The following NKAIN3 variants were observed in gnomAD, a reference collection of about 807,000 sequenced individuals.
The protein encoded by NKAIN3 is sodium/potassium-transporting ATPase subunit beta-1-interacting protein 3.
In NKAIN3, 25 loss-of-function variants were observed where a neutral mutation model predicts 30.2. The observed-to-expected ratio is 0.83, with a 90% CI of 0.60 to 1.16. The LOEUF (loss-of-function observed/expected upper bound fraction) is 1.16, where lower values mean the gene tolerates loss of function less well. NKAIN3 is among the 50% of genes most tolerant of loss of function. NKAIN3 has a pLI of 0.00. For missense variants in NKAIN3, 225 were observed against 254.1 expected (o/e 0.89, Z 0.78); for synonymous variants, 91 against 89.6 (o/e 1.02, Z -0.09).
intron 4 of NKAIN3, among the ~76,000 whole-genome samples, chr8:62,860,664 G>A (rs993699364): frequency 7.9e-5 from 12 of 152,116 alleles, no homozygotes; most frequent in African/African-American, 1.9e-4. Context: ...AGAGATAGTC[G>A]GTGGTACTTG....
intron 1 of NKAIN3, among the ~76,000 whole-genome samples, chr8:62,273,545 C>T (rs1812837975): frequency 6.6e-6 from 1 of 152,160 alleles, no homozygotes; most frequent in Non-Finnish European, 1.5e-5. Flanking sequence ...GCAGACAGTT[C>T]TTTCTGTTCT....
Position 62,812,130 on chromosome 8 carries a change from A to G in NKAIN3, c.471+65001A>G, listed in dbSNP as rs186723524. On this transcript the variant is annotated intron_variant, in intron 4 of 6. Transcript: ENST00000623646. ...ATTGAATTGCTTGTGCACCTTTGTC[A>G]ATAATCAATTGGGTATAGTTGTGTG... Among the ~76,000 whole-genome samples the G allele has an allele frequency of 5.9e-3, 894 of 152,064 alleles. 9 individuals are homozygous for G. Among genetic ancestry groups the G allele is most frequent in the African/African-American group, 0.02 (835 of 41,530 alleles).
At chr8:62,941,940 G>A (rs536532935) in intron 5 of NKAIN3, among the ~76,000 whole-genome samples, 93 of 151,968 alleles carry the variant, frequency 6.1e-4, no homozygotes, top group African/African-American at 2.1e-3. Flanking sequence ...AAGAAATAGA[G>A]GGCATCCAAA....
At position 62,470,047 on chromosome 8, in the gene NKAIN3, T is replaced by C. The variant is rs541037873; in HGVS notation, c.55-109492T>C. 5.9e-5 allele frequency among the ~76,000 whole-genome samples: 9 copies of C among 152,298 alleles called. No individual in the cohort carries two copies. In the East Asian group the frequency reaches 1.7e-3, roughly 29 times the overall value. The stretch of plus-strand genomic sequence containing the variant: ...TAATAGAGGTTTTACTAAATATATT[T>C]ATTAACATATTTCAAGCTACCATTA... On this transcript the variant is annotated intron_variant, in intron 1 of 6. Transcript: ENST00000623646.
chr8:62,305,941 C>T (rs1286553401), intron 1 of NKAIN3, among the ~76,000 whole-genome samples: 1 of 150,514 alleles, frequency 6.6e-6, no homozygotes, highest in East Asian at 1.9e-4. Flanking sequence ...TGTTGGCCAG[C>T]ATTCAGTGGG....
At chr8:62,760,693 G>T (rs948366021) in intron 4 of NKAIN3, among the ~76,000 whole-genome samples, 1 of 151,684 alleles carries the variant, frequency 6.6e-6, no homozygotes, top group Non-Finnish European at 1.5e-5. Context: ...GAGTTAATGG[G>T]TGCAGCACAC....
At chr8:62,792,230 T>C (rs1817719633) in intron 4 of NKAIN3, among the ~76,000 whole-genome samples, 1 of 152,096 alleles carries the variant, frequency 6.6e-6, no homozygotes, top group Non-Finnish European at 1.5e-5. Flanking sequence ...CCTGAATAGG[T>C]CTCCCTTCCT....
intron 3 of NKAIN3, among the ~76,000 whole-genome samples, chr8:62,668,641 C>A (rs915073632): frequency 6.6e-6 from 1 of 152,046 alleles, no homozygotes; most frequent in African/African-American, 2.4e-5. Flanking sequence ...AAATTAACAC[C>A]ACATCACCCT....
At chr8:62,643,046 T>C (rs772817741) in intron 3 of NKAIN3, among the ~76,000 whole-genome samples, 1 of 152,124 alleles carries the variant, frequency 6.6e-6, no homozygotes, top group African/African-American at 2.4e-5. Flanking sequence ...AAATGACCAA[T>C]GAATGTTAGT....
chr8:62,698,142 G>A (rs888550216), intron 3 of NKAIN3, among the ~76,000 whole-genome samples: 1 of 151,996 alleles, frequency 6.6e-6, no homozygotes, highest in South Asian at 2.1e-4. Flanking sequence ...AGATATAAGG[G>A]ACAAAGTAAA....
chr8:62,653,179 G>A (rs1251947168), intron 3 of NKAIN3, among the ~76,000 whole-genome samples: 1 of 152,176 alleles, frequency 6.6e-6, no homozygotes, highest in Non-Finnish European at 1.5e-5. Flanking sequence ...TTTCCCAAAG[G>A]TCTGGAGGCT....
At chr8:62,891,933 G>A (rs979969113) in intron 4 of NKAIN3, among the ~76,000 whole-genome samples, 2 of 152,092 alleles carry the variant, frequency 1.3e-5, no homozygotes, top group African/African-American at 2.4e-5. Context: ...TGTCAGGAAA[G>A]ACCCTGCTGA....
intron 6 of NKAIN3, among the ~76,000 whole-genome samples, chr8:62,962,393 T>A (rs1204610578): frequency 6.6e-6 from 1 of 152,180 alleles, no homozygotes; most frequent in African/African-American, 2.4e-5. Context: ...TATTTCCAGA[T>A]GATTGGAGCA....
chr8:62,378,333 C>G lies in NKAIN3; in HGVS notation c.54+129206C>G, dbSNP rs148264957. On this transcript the variant is annotated intron_variant, in intron 1 of 6. Transcript: ENST00000623646. ...AAAGTTTGAAAAATTTTCAGCCTGA[C>G]AATGCAGTAGAAAAGACAAACCCAT... Among the ~76,000 whole-genome samples the G allele has an allele frequency of 6.2e-3, 951 of 152,244 alleles. 15 individuals carry two copies. The highest frequency in any genetic ancestry group is 0.022 in the African/African-American group (910 of 41,524).
In NKAIN3 at chr8:62,345,648, C is replaced by CAT. The variant is rs1385407567; in HGVS notation, c.54+96522_54+96523insTA. ...ATATATACACATATATGTATATATA[C>CAT]ACATATATACATATGTATACCTGGA... On this transcript the variant is annotated intron_variant, in intron 1 of 6. Coordinates refer to ENST00000623646, the MANE Select transcript of NKAIN3 (RefSeq NM_001304533.3). 6.1e-5 allele frequency among the ~76,000 whole-genome samples: 9 copies of CAT among 147,038 alleles called. No individual in the cohort carries two copies. In the East Asian group the frequency reaches 1.8e-3, roughly 29 times the overall value.
At chr8:62,856,819 C>A in intron 4 of NKAIN3, 1 of 617,714 alleles carries the variant, frequency 1.6e-6, no homozygotes, top group Non-Finnish European at 3.0e-6. Context: ...TTTCTCTGCA[C>A]TATAGAGCAT....
intron 1 of NKAIN3, among the ~76,000 whole-genome samples, chr8:62,570,914 T>C (rs1325541129): frequency 1.3e-5 from 2 of 152,170 alleles, no homozygotes; most frequent in Admixed American, 1.3e-4. Flanking sequence ...AAGAAAGCAT[T>C]TGATCAAACG....
At chr8:62,633,402 C>T (rs1208436906) in intron 3 of NKAIN3, among the ~76,000 whole-genome samples, 1 of 152,070 alleles carries the variant, frequency 6.6e-6, no homozygotes, top group East Asian at 1.9e-4. Context: ...TTTGTATATA[C>T]ATTTATGGTT....
At chr8:62,385,948 T>A (rs1563375018) in intron 1 of NKAIN3, among the ~76,000 whole-genome samples, 1 of 152,192 alleles carries the variant, frequency 6.6e-6, no homozygotes, top group Non-Finnish European at 1.5e-5. Flanking sequence ...GAACTAGTGG[T>A]CAGCAGGCTG....
Sources: allele counts gnomAD v4.1 joint callset (sites outside exome capture counted in the v4.1 genomes callset), GRCh38; gene constraint gnomAD v4.1.1; transcripts MANE v1.5; gene names NCBI Gene and HGNC (gene_info 2026-07-23, HGNC 2026-07-21).